TLN2: variants seen among roughly 807,000 people sequenced by gnomAD.
TLN2 encodes talin 2.
Under a neutral mutation model 294.7 loss-of-function variants are expected in TLN2, and 118 were observed. The ratio of observed to expected loss-of-function variants is 0.40; its 90% CI spans 0.34 to 0.47. The LOEUF is 0.47. TLN2 is among the 20% of genes least tolerant of loss of function. TLN2 has a pLI of 0.84. For missense variants in TLN2, 3,083 were observed against 3,282.2 expected (o/e 0.94, Z 1.48); for synonymous variants, 1,431 against 1,304.5 (o/e 1.10, Z -2.09).
chr15:62,467,507 A>G (rs1308556685), intron 1 of TLN2, among the ~76,000 whole-genome samples: 1 of 152,116 alleles, frequency 6.6e-6, no homozygotes, highest in African/African-American at 2.4e-5. Context: ...AGCCCGGCCA[A>G]CATGGCAAAA....
intron 32 of TLN2, among the ~76,000 whole-genome samples, chr15:62,747,986 G>T (rs940336087): frequency 1.3e-5 from 2 of 152,096 alleles, no homozygotes; most frequent in East Asian, 1.9e-4. Context: ...TCTGAGAGGT[G>T]GCAGAGGTGG....
intron 1 of TLN2, among the ~76,000 whole-genome samples, chr15:62,423,144 A>G (rs1170937419): frequency 6.6e-6 from 1 of 152,210 alleles, no homozygotes; most frequent in Non-Finnish European, 1.5e-5. Flanking sequence ...CTGTAATCCC[A>G]GCACTTTGGG....
intron 15 of TLN2, among the ~76,000 whole-genome samples, 177 bp from the exon 16 acceptor site, chr15:62,698,577 A>T (rs1273201638): frequency 6.6e-6 from 1 of 152,212 alleles, no homozygotes; most frequent in Non-Finnish European, 1.5e-5. Flanking sequence ...TATTAATATA[A>T]TGCAGTATCT....
intron 1 of TLN2, among the ~76,000 whole-genome samples, chr15:62,454,972 C>T (rs1463336934): frequency 2.6e-5 from 4 of 152,162 alleles, no homozygotes. Flanking sequence ...CCTCACTTTT[C>T]CTCCCCCCGG....
chr15:62,618,177 A>C (rs934352537), intron 2 of TLN2, among the ~76,000 whole-genome samples, 174 bp from the exon 3 acceptor site: 1 of 129,866 alleles, frequency 7.7e-6, no homozygotes, highest in Non-Finnish European at 1.7e-5. Flanking sequence ...GACCCTAGGA[A>C]ATATTTTTAG....
intron 52 of TLN2, among the ~76,000 whole-genome samples, chr15:62,818,777 C>T (rs998464230): frequency 2.6e-5 from 4 of 152,024 alleles, no homozygotes; most frequent in Admixed American, 2.6e-4. Flanking sequence ...TTTATTTTGT[C>T]ACAAGTACTG....
chr15:62,506,259 T>G (rs1323110367), intron 1 of TLN2, among the ~76,000 whole-genome samples: 1 of 150,714 alleles, frequency 6.6e-6, no homozygotes, highest in Non-Finnish European at 1.5e-5. Context: ...TATAGCACAT[T>G]ATCTAGTGGC....
intron 43 of TLN2, 146 bp from the exon 44 acceptor site, chr15:62,780,994 T>C (rs1337889667): frequency 4.8e-6 from 3 of 622,926 alleles, no homozygotes; most frequent in East Asian, 5.5e-5. Context: ...GAAGTCCTTA[T>C]TGCACAAGTT....
intron 1 of TLN2, among the ~76,000 whole-genome samples, chr15:62,456,967 C>T (rs905951107): frequency 1.3e-5 from 2 of 152,160 alleles, no homozygotes; most frequent in African/African-American, 2.4e-5. Context: ...AGTAGGGCAT[C>T]GTGCCTCACA....
intron 1 of TLN2, among the ~76,000 whole-genome samples, chr15:62,541,994 G>A (rs1396219635): frequency 1.3e-5 from 2 of 151,282 alleles, no homozygotes; most frequent in African/African-American, 4.9e-5. Context: ...AGGAACCCTT[G>A]GCGAATACTT....
At chr15:62,771,421 G>A (rs576145438) in intron 42 of TLN2, among the ~76,000 whole-genome samples, 51 of 152,348 alleles carry the variant, frequency 3.3e-4, no homozygotes, top group African/African-American at 1.2e-3. Flanking sequence ...TGTAATGCTT[G>A]CTGGGTCCCT....
At chr15:62,818,572 A>G (rs1261842079) in intron 52 of TLN2, among the ~76,000 whole-genome samples, 1 of 152,200 alleles carries the variant, frequency 6.6e-6, no homozygotes, top group Non-Finnish European at 1.5e-5. Context: ...AAAAACAGAA[A>G]GCAAAAGACA....
intron 11 of TLN2, among the ~76,000 whole-genome samples, chr15:62,677,820 T>C (rs1377503346): frequency 6.9e-6 from 1 of 144,464 alleles, no homozygotes; most frequent in African/African-American, 2.6e-5. Context: ...TTTTTTTTTT[T>C]TGAGACGGAG....
At chr15:62,556,914 T>G (rs1407209987) in intron 1 of TLN2, among the ~76,000 whole-genome samples, 1 of 152,228 alleles carries the variant, frequency 6.6e-6, no homozygotes, top group African/African-American at 2.4e-5. Flanking sequence ...TCAAATTAAC[T>G]GTAATCAGGG....
At chr15:62,482,954 G>A (rs965790464) in intron 1 of TLN2, among the ~76,000 whole-genome samples, 9 of 152,154 alleles carry the variant, frequency 5.9e-5, no homozygotes, top group Non-Finnish European at 1.2e-4. Flanking sequence ...CAGATGCTCA[G>A]GAGCGACCCC....
At position 62,783,760 on chromosome 15, in the gene TLN2, T is replaced by C. The variant is rs778298792; in HGVS notation, c.5617-11T>C. ...GTGTGTGTGTGTGTCTTGCTTGTTT[T>C]CTTTTTCCAGATGACTAAGTCGGTT... On this transcript the variant is annotated splice_polypyrimidine_tract_variant and intron_variant, in intron 44 of 58. Transcript: ENST00000636159. The C allele has an allele frequency of 3.1e-6, 5 of 1,591,470 alleles. No homozygotes were observed. The highest frequency in any genetic ancestry group is 4.3e-6 in the Non-Finnish European group (5 of 1,162,920).
chr15:62,740,736 C>G lies in TLN2; in HGVS notation c.3992C>G (p.Pro1331Arg), dbSNP rs760743776. The change falls in exon 32 of 59, where the codon CCC becomes CGC. Residue 1331 changes from proline (P) to arginine (R), a missense_variant. By Grantham distance (103) the Pro-to-Arg change is moderately radical (BLOSUM62 -2). Coordinates refer to ENST00000636159, the MANE Select transcript of TLN2 (RefSeq NM_015059.3). ...TCTCTCTCTGTAGATCCAGGAGCTC[C>G]CAATGCGAAAAATCTCCTGGCTGCA... The part of the protein sequence containing the change: ...AKSLSVDPGA[P>R]NAKNLLAAAA... 27 of 1,614,152 alleles carry G rather than the reference C, an allele frequency of 1.7e-5. No individual in the cohort carries two copies. Among genetic ancestry groups the G allele is most frequent in the Non-Finnish European group, 2.2e-5 (26 of 1,180,038 alleles).
At chr15:62,428,717 A>G (rs530030915) in intron 1 of TLN2, among the ~76,000 whole-genome samples, 15 of 152,340 alleles carry the variant, frequency 9.8e-5, no homozygotes, top group African/African-American at 3.4e-4. Flanking sequence ...AAGAGATGGC[A>G]TGTGAAACCT....
intron 1 of TLN2, among the ~76,000 whole-genome samples, chr15:62,548,655 A>G (rs1029668808): frequency 6.6e-5 from 10 of 152,276 alleles, no homozygotes; most frequent in African/African-American, 2.4e-4. Context: ...TGTGCTTAGA[A>G]TTGGGTTCCT....
Sources: gnomAD v4.1 joint callset for allele counts (sites outside exome capture counted in the v4.1 genomes callset) on GRCh38, gnomAD v4.1.1 for gene constraint, MANE v1.5 for transcripts, NCBI Gene and HGNC (gene_info 2026-07-23, HGNC 2026-07-21) for gene names.